The following MSI2 variants were observed in gnomAD, a reference collection of about 807,000 sequenced individuals.
MSI2 encodes musashi RNA binding protein 2.
Under a neutral mutation model 45.6 loss-of-function variants are expected in MSI2, and 17 were observed. The ratio of observed to expected loss-of-function variants is 0.37; its 90% CI spans 0.26 to 0.56. The LOEUF (loss-of-function observed/expected upper bound fraction) is 0.56, where lower values mean the gene tolerates loss of function less well. MSI2 is among the 20% of genes least tolerant of loss of function. The probability of loss-of-function intolerance (pLI) is 0.77; values close to 1 mark genes in which losing one functional copy is unlikely to be tolerated. For synonymous variants in MSI2, 156 were observed against 158.2 expected (o/e 0.99, Z 0.11); for missense variants, 293 against 444.2 (o/e 0.66, Z 3.06).
At chr17:57,286,861 T>C (rs1909937139) in intron 5 of MSI2, among the ~76,000 whole-genome samples, 1 of 152,058 alleles carries the variant, frequency 6.6e-6, no homozygotes, top group South Asian at 2.1e-4. Flanking sequence ...GAGCGGGCAG[T>C]GTGGGAGGAG....
chr17:57,623,383 C>T (rs1170549321), intron 9 of MSI2, among the ~76,000 whole-genome samples: 3 of 152,098 alleles, frequency 2.0e-5, no homozygotes, highest in African/African-American at 4.8e-5. Flanking sequence ...GTCATGGACC[C>T]GTCTAGAAGG....
chr17:57,444,486 A>G (rs1189743019), intron 6 of MSI2: 1 of 152,068 alleles, frequency 6.6e-6, no homozygotes, highest in African/African-American at 2.4e-5. Context: ...CGGGAGGCTG[A>G]GGCAGAATTG....
At chr17:57,649,887 T>G (rs949252426) in intron 10 of MSI2, among the ~76,000 whole-genome samples, 5 of 152,164 alleles carry the variant, frequency 3.3e-5, no homozygotes, top group Non-Finnish European at 7.4e-5. Flanking sequence ...GTTTCAGATG[T>G]AGGGCACAGA....
chr17:57,500,644 C>T (rs761877721), intron 6 of MSI2, among the ~76,000 whole-genome samples: 2 of 151,736 alleles, frequency 1.3e-5, no homozygotes, highest in Non-Finnish European at 2.9e-5. Flanking sequence ...AAGGTCAGGG[C>T]ACTCAATGAA....
chr17:57,526,697 A>G (rs1353190602), intron 6 of MSI2, among the ~76,000 whole-genome samples: 1 of 152,028 alleles, frequency 6.6e-6, no homozygotes, highest in Non-Finnish European at 1.5e-5. Flanking sequence ...GTATTTTGCA[A>G]TTGCTGAAAA....
At chr17:57,378,919 G>T (rs1392499979) in intron 5 of MSI2, among the ~76,000 whole-genome samples, 2 of 152,124 alleles carry the variant, frequency 1.3e-5, no homozygotes, top group Non-Finnish European at 2.9e-5. Context: ...ACAGCGACAT[G>T]GGCCCAAAAT....
At chr17:57,334,083 G>A (rs952712708) in intron 5 of MSI2, among the ~76,000 whole-genome samples, 3 of 152,148 alleles carry the variant, frequency 2.0e-5, no homozygotes, top group African/African-American at 4.8e-5. Flanking sequence ...ATCCCCAACC[G>A]GGGGCCATTC....
At chr17:57,545,259 AACAG>A (rs1353723026) in intron 7 of MSI2, among the ~76,000 whole-genome samples, 10 of 152,246 alleles carry the variant, frequency 6.6e-5, no homozygotes, top group African/African-American at 1.4e-4. Context: ...GAGTGAATTG[AACAG>A]ACAAAGATTC....
chr17:57,627,098 C>T lies in MSI2; in HGVS notation c.653-131C>T. ...GACCCAGACCCTTAATAAAAAAACC[C>T]TCATGAGAGACAAATTATTCTGTGA... On this transcript the variant is annotated intron_variant, in intron 9 of 13. Transcript: ENST00000284073. This position sits in a 1 kb window ranked among gnomAD's most constrained non-coding sequence, Gnocchi z 4.6. 1.2e-6 allele frequency: 1 copy of T among 861,932 alleles called. No homozygotes were observed. The highest frequency in any genetic ancestry group is 1.9e-6 in the Non-Finnish European group (1 of 521,732). The allele number at this position is 861,932 out of a possible 1,614,324, so 53.4% of individuals were successfully genotyped here. A position where few individuals can be genotyped will look rare whatever the true frequency, so the allele number is the denominator to read the frequency against.
chr17:57,412,445 C>T (rs1217881137), intron 6 of MSI2, among the ~76,000 whole-genome samples: 2 of 152,192 alleles, frequency 1.3e-5, no homozygotes, highest in Non-Finnish European at 2.9e-5. Context: ...TTCAGGATCG[C>T]TTCTGGCTGC....
In MSI2 at chr17:57,607,543, A is replaced by G. The variant is rs1478703092; in HGVS notation, c.538-8427A>G. 2.6e-5 allele frequency among the ~76,000 whole-genome samples: 4 copies of G among 152,214 alleles called. 1 individual carries two copies. The highest frequency in any genetic ancestry group is 2.1e-4 in the South Asian group (1 of 4,832). On this transcript the variant is annotated intron_variant, in intron 8 of 13. Transcript: ENST00000284073. ...TGGCCACACGCTGGTCCCTGTCCAC[A>G]AGGACAGTGCCTGATTATGATGTCT... is the stretch of plus-strand genomic sequence containing the variant.
At chr17:57,571,268 GGCCGCCC>G (rs2087870098) in intron 7 of MSI2, among the ~76,000 whole-genome samples, 1 of 152,216 alleles carries the variant, frequency 6.6e-6, no homozygotes, top group Non-Finnish European at 1.5e-5. Context: ...AGGAGGGGCA[GGCCGCCC>G]TGGGAAGGGG....
intron 6 of MSI2, among the ~76,000 whole-genome samples, chr17:57,516,225 G>A (rs1444981148): frequency 6.6e-6 from 1 of 152,066 alleles, no homozygotes; most frequent in Non-Finnish European, 1.5e-5. Flanking sequence ...CTAACTCCTG[G>A]CAACCACTGA....
At chr17:57,507,582 C>A (rs1567866089) in intron 6 of MSI2, among the ~76,000 whole-genome samples, 1 of 152,082 alleles carries the variant, frequency 6.6e-6, no homozygotes, top group South Asian at 2.1e-4. Flanking sequence ...GACCAAAATG[C>A]AATAGGACTA....
chr17:57,411,577 C>A (rs1392107263), intron 6 of MSI2, among the ~76,000 whole-genome samples: 1 of 152,190 alleles, frequency 6.6e-6, no homozygotes, highest in Non-Finnish European at 1.5e-5. Flanking sequence ...GACCCCTTAG[C>A]CCAACAGCAG....
chr17:57,379,272 G>A (rs946161139), intron 5 of MSI2, among the ~76,000 whole-genome samples: 3 of 151,822 alleles, frequency 2.0e-5, no homozygotes, highest in Admixed American at 6.6e-5. Context: ...TCTACTACTC[G>A]ATCTACTTTC....
chr17:57,656,145 T>A (rs574814769), intron 11 of MSI2, among the ~76,000 whole-genome samples: 1 of 152,080 alleles, frequency 6.6e-6, no homozygotes, highest in African/African-American at 2.4e-5. Context: ...GAGAAGGGGC[T>A]CCATATTTTC....
intron 7 of MSI2, among the ~76,000 whole-genome samples, chr17:57,534,527 C>T (rs2086883567): frequency 6.6e-6 from 1 of 152,166 alleles, no homozygotes; most frequent in Non-Finnish European, 1.5e-5. Flanking sequence ...GCCTGGCCAA[C>T]ATGGTGATAC....
chr17:57,558,497 G>A (rs2087493559), intron 7 of MSI2, among the ~76,000 whole-genome samples: 1 of 152,142 alleles, frequency 6.6e-6, no homozygotes, highest in Non-Finnish European at 1.5e-5. Flanking sequence ...GTTGCCTAGA[G>A]GTGGGGATGA....
Sources: gnomAD v4.1 joint callset for allele counts (sites outside exome capture counted in the v4.1 genomes callset) on GRCh38, gnomAD v4.1.1 for gene constraint, Gnocchi (gnomAD v3.1) non-coding constraint, MANE v1.5 for transcripts, NCBI Gene and HGNC (gene_info 2026-07-23, HGNC 2026-07-21) for gene names.